The following AGR2 variants were observed in gnomAD, a reference collection of about 807,000 sequenced individuals.
AGR2 encodes anterior gradient protein 2 homolog.
In AGR2, 27 loss-of-function variants were observed where a neutral mutation model predicts 25.9. The observed-to-expected ratio is 1.04, with a 90% CI of 0.77 to 1.44. The LOEUF (loss-of-function observed/expected upper bound fraction) is 1.44, where lower values mean the gene tolerates loss of function less well. Among genes scored for constraint, AGR2 ranks in the 40% most tolerant of loss-of-function variants. AGR2 has a pLI of 0.00. For missense variants in AGR2, 182 were observed against 200.9 expected (o/e 0.91, Z 0.57); for synonymous variants, 78 against 72.0 (o/e 1.08, Z -0.42).
intron 6 of AGR2, among the ~76,000 whole-genome samples, 174 bp downstream of exon 6, chr7:16,797,457 C>T (rs1175092246): frequency 6.6e-6 from 1 of 152,152 alleles, no homozygotes; most frequent in African/African-American, 2.4e-5. Context: ...TAGGTAAAAG[C>T]TCACATTTTC....
At chr7:16,796,634 T>C (rs1205038592) in intron 6 of AGR2, among the ~76,000 whole-genome samples, 4 of 152,140 alleles carry the variant, frequency 2.6e-5, no homozygotes, top group Admixed American at 6.5e-5. Flanking sequence ...CAGGGTCACG[T>C]TGGGAATATC....
intron 6 of AGR2, 139 bp from the exon 7 acceptor site, chr7:16,795,158 TC>T (rs1785023545): frequency 1.1e-6 from 1 of 907,658 alleles, no homozygotes; most frequent in Admixed American, 2.2e-5. Flanking sequence ...GGAGCTCTGA[TC>T]CATCCACTCT....
intron 5 of AGR2, among the ~76,000 whole-genome samples, chr7:16,797,943 G>A (rs1283994849): frequency 6.6e-6 from 1 of 152,186 alleles, no homozygotes; most frequent in Non-Finnish European, 1.5e-5. Context: ...GAATTTGGAA[G>A]GAGTTACTGT....
In AGR2 at chr7:16,792,788, A is replaced by G; in HGVS notation, c.*120T>C. On this transcript the variant is annotated 3_prime_UTR_variant, in exon 8 of 8. Transcript: ENST00000419304. ...TTTCTTAAAAAATAGTTGTTGTAAC[A>G]TTAAACCATAACCTAATCAGTGTGT... is the stretch of plus-strand genomic sequence containing the variant. 2.1e-6 allele frequency: 2 copies of G among 938,288 alleles called. No homozygotes were observed. Among genetic ancestry groups the G allele is most frequent in the East Asian group, 4.9e-5 (2 of 40,866 alleles). The allele number at this position is 938,288 out of a possible 1,614,324, so 58.1% of individuals were successfully genotyped here.
intron 4 of AGR2, among the ~76,000 whole-genome samples, chr7:16,800,399 C>G (rs187008492): frequency 2.0e-5 from 3 of 152,024 alleles, no homozygotes; most frequent in Admixed American, 6.6e-5. Context: ...AGGAACAGCA[C>G]GAAGGCCAGG....
chr7:16,801,288 T>A, intron 3 of AGR2, 32 bp downstream of exon 3: 1 of 1,608,574 alleles, frequency 6.2e-7, no homozygotes, highest in Non-Finnish European at 8.5e-7. Context: ...CTTGAGAGCT[T>A]TGAGGGAGCT....
At chr7:16,801,251 T>C in intron 3 of AGR2, 48 bp from the exon 4 acceptor site, 1 of 1,607,984 alleles carries the variant, frequency 6.2e-7, no homozygotes. Context: ...AGATTTCACA[T>C]ATATCTAGAT....
At chr7:16,795,740 C>A (rs953587610) in intron 6 of AGR2, among the ~76,000 whole-genome samples, 1 of 152,028 alleles carries the variant, frequency 6.6e-6, no homozygotes, top group African/African-American at 2.4e-5. Context: ...GAAACCTTGC[C>A]TTGAGAGACG....
chr7:16,799,976 A>T (rs1785113956), intron 4 of AGR2, among the ~76,000 whole-genome samples, 159 bp from the exon 5 acceptor site: 1 of 152,204 alleles, frequency 6.6e-6, no homozygotes, highest in Admixed American at 6.5e-5. Flanking sequence ...AGTAATATCT[A>T]TGGCATTGAC....
intron 1 of AGR2, among the ~76,000 whole-genome samples, chr7:16,803,944 A>T (rs1004117904): frequency 2.4e-4 from 36 of 151,950 alleles, no homozygotes; most frequent in African/African-American, 8.2e-4. Flanking sequence ...AAAAAATAGT[A>T]AATTGATGGT....
chr7:16,797,613 A>G lies in AGR2; in HGVS notation c.394+18T>C. ...CTAGTATGTGTTTCCGAGTTATCTCACTGTCACTTCCGCTTACCAACAAAC... is the reference window on the plus strand; with the variant it reads ...CTAGTATGTGTTTCCGAGTTATCTCGCTGTCACTTCCGCTTACCAACAAAC... On this transcript the variant is annotated intron_variant, in intron 6 of 7. Transcript: ENST00000419304. 2 of 1,612,458 alleles carry G rather than the reference A, an allele frequency of 1.2e-6. No individual in the cohort carries two copies. The highest frequency in any genetic ancestry group is 1.7e-6 in the Non-Finnish European group (2 of 1,178,776).
At chr7:16,795,466 G>T (rs2115352755) in intron 6 of AGR2, among the ~76,000 whole-genome samples, 1 of 150,992 alleles carries the variant, frequency 6.6e-6, no homozygotes, top group South Asian at 2.1e-4. Context: ...TTTAAAAAAA[G>T]TTAATAGAGG....
Position 16,792,800 on chromosome 7 carries a change from C to T in AGR2, c.*108G>A, listed in dbSNP as rs1784984270. 1 of 1,005,830 alleles carries T rather than the reference C, an allele frequency of 9.9e-7. No homozygotes were observed. The highest frequency in any genetic ancestry group is 1.6e-6 in the Non-Finnish European group (1 of 634,414). 62.3% of individuals were successfully genotyped at this position (1,005,830 alleles called of 1,614,324 possible). The stretch of plus-strand genomic sequence containing the variant: ...TAGTTGTTGTAACATTAAACCATAA[C>T]CTAATCAGTGTGTTCACTATGCTTC... On this transcript the variant is annotated 3_prime_UTR_variant, in exon 8 of 8. Coordinates refer to ENST00000419304, the MANE Select transcript of AGR2 (RefSeq NM_006408.4).
intron 5 of AGR2, among the ~76,000 whole-genome samples, chr7:16,798,920 A>C (rs536550780): frequency 3.3e-4 from 50 of 152,312 alleles, no homozygotes; most frequent in African/African-American, 1.1e-3. Context: ...AGATATCTGG[A>C]ATATGGTTGG....
intron 5 of AGR2, 74 bp downstream of exon 5, chr7:16,799,655 GTATAACTAAGATGTA>G: frequency 1.1e-6 from 1 of 896,948 alleles, no homozygotes; most frequent in Non-Finnish European, 1.8e-6. Context: ...AGTTAATGCA[GTATAACTAAGATGTA>G]TAGGAAAAAT....
intron 5 of AGR2, among the ~76,000 whole-genome samples, chr7:16,799,422 A>G (rs916407367): frequency 4.6e-5 from 7 of 152,154 alleles, no homozygotes; most frequent in South Asian, 2.1e-4. Context: ...GATGACCAGG[A>G]TTAAGAATGG....
rs774765056 is a variant in AGR2, at chr7:16,801,430, C to A, written c.140-47G>T. ...TATTTGAAGCTTGTATAAATTCAGA[C>A]CCAAAGCTGTTGAAAAGCAATGGTA... On this transcript the variant is annotated intron_variant, in intron 2 of 7. Transcript: ENST00000419304. 14 of 1,566,744 alleles carry A rather than the reference C, an allele frequency of 8.9e-6. No homozygotes were observed. In the East Asian group the frequency reaches 2.9e-4, roughly 33 times the overall value.
chr7:16,794,642 G>A (rs1447031416), intron 7 of AGR2: 11 of 600,806 alleles, frequency 1.8e-5, no homozygotes, highest in Admixed American at 3.1e-5. Flanking sequence ...AGGAGTGTGT[G>A]CTCGTGTACC....
At chr7:16,798,587 A>C (rs1226349895) in intron 5 of AGR2, among the ~76,000 whole-genome samples, 1 of 152,194 alleles carries the variant, frequency 6.6e-6, no homozygotes, top group East Asian at 1.9e-4. Context: ...TCTGTAAAGC[A>C]ACTTCTCTGA....
Sources: gnomAD v4.1 joint callset for allele counts (sites outside exome capture counted in the v4.1 genomes callset) on GRCh38, gnomAD v4.1.1 for gene constraint, MANE v1.5 for transcripts, NCBI Gene and HGNC (gene_info 2026-07-23, HGNC 2026-07-21) for gene names.